LRFN5: variants seen among roughly 807,000 people sequenced by gnomAD.
LRFN5 encodes the protein leucine rich repeat and fibronectin type III domain containing 5.
In LRFN5, 24 loss-of-function variants were observed where a neutral mutation model predicts 45.6. The observed-to-expected ratio is 0.53, with a 90% CI of 0.38 to 0.74. The LOEUF is 0.74. LRFN5 is among the 30% of genes least tolerant of loss of function. LRFN5 has a pLI of 0.00. For missense variants in LRFN5, 776 were observed against 861.5 expected (o/e 0.90, Z 1.24); for synonymous variants, 340 against 313.8 (o/e 1.08, Z -0.88).
chr14:41,783,159 C>T (rs908396985), intron 2 of LRFN5, among the ~76,000 whole-genome samples: 3 of 151,844 alleles, frequency 2.0e-5, no homozygotes, highest in African/African-American at 7.3e-5. Flanking sequence ...CTGCCAGAAG[C>T]CTATGGGGAT....
intron 1 of LRFN5, among the ~76,000 whole-genome samples, chr14:41,749,868 T>C (rs1053977759): frequency 5.3e-5 from 8 of 152,180 alleles, no homozygotes; most frequent in African/African-American, 1.9e-4. Flanking sequence ...ATGTTGAAAG[T>C]TCATTATCAC....
At chr14:41,698,361 A>G (rs1222495022) in intron 1 of LRFN5, among the ~76,000 whole-genome samples, 4 of 152,092 alleles carry the variant, frequency 2.6e-5, no homozygotes, top group African/African-American at 4.8e-5. Flanking sequence ...CAGGCCTACT[A>G]TATCAGATTT....
chr14:41,768,549 A>C (rs1437230460), intron 2 of LRFN5, among the ~76,000 whole-genome samples: 1 of 152,102 alleles, frequency 6.6e-6, no homozygotes, highest in Non-Finnish European at 1.5e-5. Context: ...ATAAAACAAC[A>C]TGAGAAATGC....
chr14:41,663,563 G>A (rs1880756508), intron 1 of LRFN5, among the ~76,000 whole-genome samples: 1 of 151,692 alleles, frequency 6.6e-6, no homozygotes, highest in Non-Finnish European at 1.5e-5. Flanking sequence ...TAAGAATAAG[G>A]GAGGATTACC....
At chr14:41,839,728 A>G (rs1231156887) in intron 2 of LRFN5, among the ~76,000 whole-genome samples, 1 of 152,130 alleles carries the variant, frequency 6.6e-6, no homozygotes, top group African/African-American at 2.4e-5. Context: ...CTTGAAAATG[A>G]TCAGCTTTCT....
At chr14:41,715,792 G>C (rs1883469055) in intron 1 of LRFN5, among the ~76,000 whole-genome samples, 1 of 152,190 alleles carries the variant, frequency 6.6e-6, no homozygotes. Flanking sequence ...CTGGAAGACA[G>C]TGGCCCTCTT....
Position 41,898,956 on chromosome 14 carries a change from C to A in LRFN5, c.2138C>A (p.Thr713Lys). 6.2e-7 allele frequency: 1 copy of A among 1,610,558 alleles called. No individual in the cohort carries two copies. The highest frequency in any genetic ancestry group is 8.5e-7 in the Non-Finnish European group (1 of 1,178,280). Residue 713 changes from threonine to lysine, a missense_variant, in exon 5 of 6, where the codon ACA becomes AAA. Thr to Lys is a moderately conservative substitution (Grantham distance 78). Around this residue, in one of 2 missense-constraint regions of LRFN5, gnomAD observed 465 missense variants for 456.4 expected, o/e 1.02. Transcript: ENST00000298119. ...AATGTTGACCAGATTGTCCAGGAAA[C>A]ACAGGTGAGATTCTTATTACCTATA... ...LTNVDQIVQE[T>K]QRLELI
chr14:41,723,967 A>C (rs1883828806), intron 1 of LRFN5, among the ~76,000 whole-genome samples: 1 of 152,016 alleles, frequency 6.6e-6, no homozygotes, highest in African/African-American at 2.4e-5. Context: ...TTTCCCTCTC[A>C]CTGTCTGTAA....
At chr14:41,900,088 T>A (rs1250118542) in intron 5 of LRFN5, among the ~76,000 whole-genome samples, 1 of 152,076 alleles carries the variant, frequency 6.6e-6, no homozygotes, top group Non-Finnish European at 1.5e-5. Context: ...CTCCTTCTCT[T>A]TCTCTCTTTC....
intron 1 of LRFN5, among the ~76,000 whole-genome samples, chr14:41,637,424 C>T (rs1452347972): frequency 6.6e-6 from 1 of 152,112 alleles, no homozygotes; most frequent in Non-Finnish European, 1.5e-5. Flanking sequence ...CCAAACCTGC[C>T]TTACTCCTAT....
At chr14:41,700,435 A>T (rs1882791870) in intron 1 of LRFN5, 1 of 152,154 alleles carries the variant, frequency 6.6e-6, no homozygotes, top group Non-Finnish European at 1.5e-5. Context: ...GCATGGTTAT[A>T]TGAAGCGTAA....
intron 2 of LRFN5, among the ~76,000 whole-genome samples, chr14:41,841,000 AT>A (rs1416887529): frequency 6.6e-6 from 1 of 151,764 alleles, no homozygotes; most frequent in Non-Finnish European, 1.5e-5. Flanking sequence ...TTGTTTAAAA[AT>A]GTTACTATTC....
At chr14:41,714,049 C>T (rs1268458947) in intron 1 of LRFN5, among the ~76,000 whole-genome samples, 1 of 151,942 alleles carries the variant, frequency 6.6e-6, no homozygotes, top group African/African-American at 2.4e-5. Context: ...TAACTACATG[C>T]ATAAATATGC....
chr14:41,856,255 G>C (rs1056829965), intron 2 of LRFN5, among the ~76,000 whole-genome samples: 4 of 152,232 alleles, frequency 2.6e-5, no homozygotes, highest in African/African-American at 9.6e-5. Flanking sequence ...ATAAACACAT[G>C]ATCAAAATTT....
At chr14:41,745,448 C>T (rs888561388) in intron 1 of LRFN5, among the ~76,000 whole-genome samples, 1 of 151,964 alleles carries the variant, frequency 6.6e-6, no homozygotes, top group Non-Finnish European at 1.5e-5. Context: ...CTTCATTGAA[C>T]AACCCAACTT....
At chr14:41,682,342 G>A (rs1594612463) in intron 1 of LRFN5, among the ~76,000 whole-genome samples, 1 of 151,992 alleles carries the variant, frequency 6.6e-6, no homozygotes, top group South Asian at 2.1e-4. Flanking sequence ...ACATTAAAAA[G>A]TGGGAGGACA....
intron 1 of LRFN5, among the ~76,000 whole-genome samples, chr14:41,687,926 C>G (rs1450864249): frequency 6.6e-6 from 1 of 152,024 alleles, no homozygotes; most frequent in African/African-American, 2.4e-5. Context: ...ACATGTATCC[C>G]CCTTTTTTAG....
chr14:41,859,882 T>C (rs746374992), intron 2 of LRFN5, among the ~76,000 whole-genome samples: 48 of 152,334 alleles, frequency 3.2e-4, no homozygotes, highest in Middle Eastern at 3.4e-3. Context: ...AGGTTTCTTA[T>C]ACATAATAAT....
chr14:41,781,556 AAGAGAAAGAAAGAAAGAAAG>A (rs1886487209), intron 2 of LRFN5, among the ~76,000 whole-genome samples: 1 of 100,936 alleles, frequency 9.9e-6, no homozygotes, highest in African/African-American at 3.9e-5. Context: ...GGAGAAAAGA[AAGAGAAAGAAAGAAAGAAAG>A]AAAGAAAGAA....
Sources: gnomAD v4.1 joint callset for allele counts (sites outside exome capture counted in the v4.1 genomes callset) on GRCh38, gnomAD v4.1.1 for gene constraint, gnomAD v4.1.1 regional missense constraint, MANE v1.5 for transcripts, NCBI Gene and HGNC (gene_info 2026-07-23, HGNC 2026-07-21) for gene names.